Variants in CADM1 observed in about 807,000 individuals in gnomAD.
CADM1 encodes the protein TSLC-1.
In CADM1, 15 loss-of-function variants were observed where a neutral mutation model predicts 53.1. That is an observed-to-expected ratio of 0.28 (90% CI 0.19 to 0.44). The LOEUF is 0.44. Among genes scored for constraint, CADM1 ranks in the 20% least tolerant of loss-of-function variants. The pLI is 1.00. For missense variants in CADM1, 434 were observed against 611.3 expected (o/e 0.71, Z 3.06); for synonymous variants, 281 against 243.0 (o/e 1.16, Z -1.45).
At chr11:115,247,056 GCTGA>G (rs1476208962) in intron 1 of CADM1, among the ~76,000 whole-genome samples, 3 of 152,110 alleles carry the variant, frequency 2.0e-5, no homozygotes, top group Non-Finnish European at 2.9e-5. Context: ...TTCTTGTTTA[GCTGA>G]CTAATGGCAA....
chr11:115,453,594 G>T (rs187776988), intron 1 of CADM1, among the ~76,000 whole-genome samples: 2 of 152,178 alleles, frequency 1.3e-5, no homozygotes, highest in East Asian at 1.9e-4. Context: ...CACCTCCCAG[G>T]ATCAAGTGAT....
intron 1 of CADM1, among the ~76,000 whole-genome samples, chr11:115,484,957 A>AG (rs1158212180): frequency 2.0e-5 from 3 of 152,050 alleles, no homozygotes; most frequent in Non-Finnish European, 2.9e-5. Flanking sequence ...AAAAAAAAAA[A>AG]AAAAGAAAAG....
At chr11:115,480,043 T>C (rs1949225349) in intron 1 of CADM1, among the ~76,000 whole-genome samples, 1 of 152,202 alleles carries the variant, frequency 6.6e-6, no homozygotes, top group Non-Finnish European at 1.5e-5. Context: ...TCTTTAAAAT[T>C]ATAAAGTTTG....
At chr11:115,219,771 G>A (rs1408383859) in intron 5 of CADM1, among the ~76,000 whole-genome samples, 1 of 152,128 alleles carries the variant, frequency 6.6e-6, no homozygotes, top group African/African-American at 2.4e-5. Flanking sequence ...TACAACTGCT[G>A]GGCATCAGGT....
At chr11:115,218,351 G>C (rs1485180903) in intron 5 of CADM1, among the ~76,000 whole-genome samples, 2 of 152,124 alleles carry the variant, frequency 1.3e-5, no homozygotes, top group Non-Finnish European at 2.9e-5. Flanking sequence ...GCTCAGAATT[G>C]ATACATTTTA....
intron 1 of CADM1, among the ~76,000 whole-genome samples, chr11:115,295,504 TTTTA>T (rs1408754813): frequency 5.3e-4 from 17 of 31,896 alleles, no homozygotes; most frequent in South Asian, 1.1e-3. Flanking sequence ...GATCAAGATA[TTTTA>T]TATATATATA....
At chr11:115,307,872 C>A (rs1372563861) in intron 1 of CADM1, among the ~76,000 whole-genome samples, 1 of 151,676 alleles carries the variant, frequency 6.6e-6, no homozygotes, top group Non-Finnish European at 1.5e-5. Flanking sequence ...ACACCTATAC[C>A]CTAGTGTTTG....
intron 4 of CADM1, among the ~76,000 whole-genome samples, chr11:115,231,139 C>T (rs1341667372): frequency 6.6e-6 from 1 of 152,168 alleles, no homozygotes; most frequent in Non-Finnish European, 1.5e-5. Flanking sequence ...ACAGCTATCA[C>T]CATGAACCCT....
At chr11:115,213,350 T>C (rs868144872) in intron 7 of CADM1, among the ~76,000 whole-genome samples, 4 of 152,206 alleles carry the variant, frequency 2.6e-5, no homozygotes, top group African/African-American at 9.7e-5. Context: ...CCTTAACTAC[T>C]GGGAGAATTA....
chr11:115,370,714 A>G (rs1370282809), intron 1 of CADM1, among the ~76,000 whole-genome samples: 1 of 152,158 alleles, frequency 6.6e-6, no homozygotes. Flanking sequence ...ATGGCAGCCC[A>G]AGCAGACTAA....
chr11:115,184,821 G>C (rs1939469824), intron 10 of CADM1, among the ~76,000 whole-genome samples: 1 of 152,190 alleles, frequency 6.6e-6, no homozygotes, highest in Non-Finnish European at 1.5e-5. Context: ...TAGAAGTACT[G>C]CACACAGATT....
intron 10 of CADM1, among the ~76,000 whole-genome samples, chr11:115,187,716 C>T (rs1939634548): frequency 6.6e-6 from 1 of 152,336 alleles, no homozygotes; most frequent in Non-Finnish European, 1.5e-5. Context: ...GCTGGGATTA[C>T]AGGTGTGAGC....
intron 1 of CADM1, among the ~76,000 whole-genome samples, chr11:115,477,934 G>A (rs527621583): frequency 6.6e-6 from 1 of 152,282 alleles, no homozygotes; most frequent in South Asian, 2.1e-4. Context: ...TTGGGAAAAG[G>A]GTGGAAACAT....
chr11:115,273,747 G>C (rs1278684981), intron 1 of CADM1, among the ~76,000 whole-genome samples: 4 of 152,186 alleles, frequency 2.6e-5, no homozygotes, highest in African/African-American at 9.7e-5. Flanking sequence ...AATGGGTAAA[G>C]TGTGTATCAC....
At position 115,176,007 on chromosome 11, in the gene CADM1, C is replaced by A; in HGVS notation, c.*467G>T. ...AGAAAGCAGTTACCATAAAAATAAA[C>A]AAAAGTAAAAAACTAGAACAGAAAA... is the stretch of plus-strand genomic sequence containing the variant. On this transcript the variant is annotated 3_prime_UTR_variant, in exon 12 of 12. Transcript: ENST00000331581. The A allele has an allele frequency of 9.6e-7, 1 of 1,037,254 alleles. No individual in the cohort carries two copies. The highest frequency in any genetic ancestry group is 8.9e-5 in the East Asian group (1 of 11,174). 64.3% of individuals were successfully genotyped at this position (1,037,254 alleles called of 1,614,324 possible).
intron 1 of CADM1, among the ~76,000 whole-genome samples, chr11:115,242,223 C>G (rs1942260626): frequency 6.6e-6 from 1 of 151,704 alleles, no homozygotes; most frequent in Non-Finnish European, 1.5e-5. Flanking sequence ...TGTGAGAATG[C>G]AGGCCCACCG....
At chr11:115,277,395 A>C (rs1322405415) in intron 1 of CADM1, among the ~76,000 whole-genome samples, 1 of 152,228 alleles carries the variant, frequency 6.6e-6, no homozygotes, top group East Asian at 1.9e-4. Flanking sequence ...CATTAATAAT[A>C]ATAACAACAA....
At chr11:115,245,836 G>T (rs925464996) in intron 1 of CADM1, among the ~76,000 whole-genome samples, 6 of 152,108 alleles carry the variant, frequency 3.9e-5, no homozygotes, top group African/African-American at 1.4e-4. Context: ...AGCATATTTT[G>T]TACATTTCCT....
chr11:115,452,166 G>T (rs78693105), intron 1 of CADM1, among the ~76,000 whole-genome samples: 890 of 5,802 alleles, frequency 0.15, 18 homozygotes, highest in African/African-American at 0.35. Flanking sequence ...TGGGGTGGGG[G>T]GGTGGGGGGG....
Sources: allele counts gnomAD v4.1 joint callset (sites outside exome capture counted in the v4.1 genomes callset), GRCh38; gene constraint gnomAD v4.1.1; transcripts MANE v1.5; gene names NCBI Gene and HGNC (gene_info 2026-07-23, HGNC 2026-07-21).